TET2: variants seen among roughly 807,000 people sequenced by gnomAD.
The protein encoded by TET2 is tet methylcytosine dioxygenase 2.
Under a neutral mutation model 142.9 loss-of-function variants are expected in TET2, and 299 were observed. That is an observed-to-expected ratio of 2.09 (90% confidence interval 1.90 to 2.30). The LOEUF is 2.30. Ranked by LOEUF, TET2 falls within the 30% of genes most tolerant of loss-of-function variation. The pLI, the probability that TET2 is intolerant of heterozygous loss-of-function variation, is 0.00. For synonymous variants in TET2, 819 were observed against 849.0 expected (o/e 0.96, Z 0.61); for missense variants, 2,418 against 2,378.0 (o/e 1.02, Z -0.35).
chr4:105,190,103 T>C lies in TET2; in HGVS notation c.-192-257T>C, dbSNP rs539555045. ...ATAAGCCACTGGCTCTTAAGCCTCA[T>C]TGATTATTGCGGTGAAGATGTGAAG... On this transcript the variant is annotated intron_variant, in intron 1 of 10. Transcript: ENST00000380013. 6.6e-5 allele frequency among the ~76,000 whole-genome samples: 10 copies of C among 152,322 alleles called. No individual in the cohort carries two copies. The South Asian group carries it at 2.1e-3, about 32-fold the overall frequency.
intron 2 of TET2, among the ~76,000 whole-genome samples, chr4:105,216,659 TATG>T (rs903728334): frequency 1.3e-5 from 2 of 152,104 alleles, no homozygotes; most frequent in African/African-American, 4.8e-5. Flanking sequence ...AGAACATTTA[TATG>T]ATATTTCCTA....
chr4:105,241,733 A>C (rs2110250164), intron 4 of TET2: 1 of 1,257,498 alleles, frequency 8.0e-7, no homozygotes, highest in African/African-American at 1.5e-5. Flanking sequence ...CACAGGCTCC[A>C]ACGAGAGGTC....
rs1457864629 is a variant in TET2 at position 105,275,248 on chromosome 4, C to A, written c.4738C>A (p.Pro1580Thr). ...MRRPNPVSPY[P>T]NSSHTSDIYG... The stretch of plus-strand genomic sequence containing the variant: ...ACGGCCCAATCCAGTTAGTCCTTAT[C>A]CAAACTCTTCACACACTTCAGATAT... Residue 1580 changes from proline (P) to threonine (T), a missense_variant, in exon 11 of 11, where the codon CCA becomes ACA. By Grantham distance (38) the Pro-to-Thr change is conservative. Coordinates refer to ENST00000380013, the MANE Select transcript of TET2 (RefSeq NM_001127208.3). 6.4e-7 allele frequency: 1 copy of A among 1,552,326 alleles called. No individual in the cohort carries two copies. The highest frequency in any genetic ancestry group is 2.0e-5 in the Admixed American group (1 of 51,010).
At chr4:105,185,016 A>G (rs1007987599) in intron 1 of TET2, among the ~76,000 whole-genome samples, 4 of 152,156 alleles carry the variant, frequency 2.6e-5, no homozygotes. Flanking sequence ...CCTTTTTTGT[A>G]ACGGAAGTGT....
In TET2 at chr4:105,276,838, T is replaced by TCTCCC. The variant is rs1553918708; in HGVS notation, c.*320_*321insTCCCC. On this transcript the variant is annotated 3_prime_UTR_variant, in exon 11 of 11. Transcript: ENST00000380013. Reference sequence around the variant, plus strand: ...TGGACGAGATGATATGTAAATGTGATCCCCCCCCCCCGCTTACAACTCTAC... The same window carrying TCTCCC: ...TGGACGAGATGATATGTAAATGTGATCTCCCCCCCCCCCCCCGCTTACAACTCTAC... 1.9e-5 allele frequency: 3 copies of TCTCCC among 155,968 alleles called. No homozygotes were observed. Among genetic ancestry groups the TCTCCC allele is most frequent in the African/African-American group, 8.0e-5 (2 of 25,096 alleles). The allele number at this position is 155,968 out of a possible 1,614,324, so 9.7% of individuals were successfully genotyped here.
In TET2 at chr4:105,195,239, G is replaced by C. The variant is rs191879501; in HGVS notation, c.-47+4734G>C. Among the ~76,000 whole-genome samples the C allele has an allele frequency of 4.3e-3, 659 of 152,250 alleles. 2 individuals carry two copies. Among genetic ancestry groups the C allele is most frequent in the African/African-American group, 0.015 (618 of 41,564 alleles). On this transcript the variant is annotated intron_variant, in intron 2 of 10. Transcript: ENST00000380013. Reference sequence around the variant, plus strand: ...TCTCAGGATCTTTTAAGTAGAAATGGAAGAGTCTTAGTGAAAACAGTTTGT... The same window carrying C: ...TCTCAGGATCTTTTAAGTAGAAATGCAAGAGTCTTAGTGAAAACAGTTTGT...
At chr4:105,204,463 T>C (rs1267907672) in intron 2 of TET2, among the ~76,000 whole-genome samples, 1 of 152,166 alleles carries the variant, frequency 6.6e-6, no homozygotes, top group Non-Finnish European at 1.5e-5. Flanking sequence ...ATAGAAAAAG[T>C]ATTCTCAACT....
chr4:105,163,654 G>A (rs1268016259), intron 1 of TET2, among the ~76,000 whole-genome samples: 1 of 151,988 alleles, frequency 6.6e-6, no homozygotes, highest in East Asian at 1.9e-4. Flanking sequence ...CAAGACATGG[G>A]GTTAAATAAC....
chr4:105,252,799 AT>A (rs528829479), intron 6 of TET2, among the ~76,000 whole-genome samples: 2 of 152,110 alleles, frequency 1.3e-5, no homozygotes, highest in African/African-American at 2.4e-5. Context: ...CCCATTTTGC[AT>A]TAATTTTGCA....
At chr4:105,170,915 G>C (rs1336696634) in intron 1 of TET2, among the ~76,000 whole-genome samples, 2 of 152,116 alleles carry the variant, frequency 1.3e-5, no homozygotes, top group African/African-American at 4.8e-5. Flanking sequence ...TCTTCCTTCT[G>C]CTTCCTTTAT....
At chr4:105,274,370 C>G (rs1479451206) in intron 10 of TET2, among the ~76,000 whole-genome samples, 1 of 152,182 alleles carries the variant, frequency 6.6e-6, no homozygotes, top group Non-Finnish European at 1.5e-5. Context: ...AACTTCCTTT[C>G]TGGAAAGCCT....
intron 1 of TET2, among the ~76,000 whole-genome samples, chr4:105,156,275 G>A (rs913418835): frequency 6.6e-6 from 1 of 152,130 alleles, no homozygotes; most frequent in Admixed American, 6.5e-5. Flanking sequence ...ATATTCAAAA[G>A]AAGAAAAATG....
rs1380615225 is a variant in TET2 at position 105,234,238 on chromosome 4, G to C, written c.296G>C (p.Ser99Thr). 6.2e-7 allele frequency: 1 copy of C among 1,614,160 alleles called. No individual in the cohort carries two copies. Among genetic ancestry groups the C allele is most frequent in the East Asian group, 2.2e-5 (1 of 44,868 alleles). ...LQNGGIKRTV[S>T]EPSLSGLLQI... ...AATGGAGGAATAAAACGCACAGTTA[G>C]TGAACCTTCTCTCTCTGGGCTCCTT... Residue 99 changes from serine (S) to threonine (T), a missense_variant, in exon 3 of 11, where the codon AGT becomes ACT. Transcript: ENST00000380013.
At chr4:105,225,570 G>C (rs1728141900) in intron 2 of TET2, among the ~76,000 whole-genome samples, 1 of 152,138 alleles carries the variant, frequency 6.6e-6, no homozygotes, top group Admixed American at 6.6e-5. Flanking sequence ...AGTGACTTGG[G>C]TGGCTGATAT....
rs558801492 is a variant in TET2 at position 105,174,702 on chromosome 4, G to A, written c.-192-15658G>A. On this transcript the variant is annotated intron_variant, in intron 1 of 10. Transcript: ENST00000380013. ...TCCAGGAGGACTCACTTACGGAAGGGCCTGTACTTTTGTGAGTTTAACCTC... is the reference window on the plus strand; with the variant it reads ...TCCAGGAGGACTCACTTACGGAAGGACCTGTACTTTTGTGAGTTTAACCTC... Among the ~76,000 whole-genome samples the A allele has an allele frequency of 8.5e-5, 13 of 152,320 alleles. No homozygotes were observed. The East Asian group carries it at 2.5e-3, about 29-fold the overall frequency.
chr4:105,209,581 G>A (rs1163197047), intron 2 of TET2, among the ~76,000 whole-genome samples: 1 of 152,036 alleles, frequency 6.6e-6, no homozygotes, highest in African/African-American at 2.4e-5. Flanking sequence ...GTCACAATGG[G>A]AACAAAACAG....
At chr4:105,256,726 T>C (rs928986755) in intron 6 of TET2, among the ~76,000 whole-genome samples, 2 of 152,148 alleles carry the variant, frequency 1.3e-5, no homozygotes, top group Non-Finnish European at 2.9e-5. Context: ...CTGCATTATG[T>C]CTATGTTGGT....
intron 2 of TET2, among the ~76,000 whole-genome samples, chr4:105,226,721 A>G (rs547391408): frequency 2.0e-5 from 3 of 151,682 alleles, no homozygotes; most frequent in South Asian, 2.1e-4. Context: ...TGCCATGATT[A>G]TAAGTTTTGT....
intron 1 of TET2, among the ~76,000 whole-genome samples, chr4:105,152,221 C>T (rs1723337773): frequency 6.6e-6 from 1 of 151,934 alleles, no homozygotes; most frequent in Non-Finnish European, 1.5e-5. Flanking sequence ...GCAGAGGCTG[C>T]GGTGAGCCGA....
Sources: allele counts gnomAD v4.1 joint callset (sites outside exome capture counted in the v4.1 genomes callset), GRCh38; gene constraint gnomAD v4.1.1; transcripts MANE v1.5; gene names NCBI Gene and HGNC (gene_info 2026-07-23, HGNC 2026-07-21).